DPH6: variants seen among roughly 807,000 people sequenced by gnomAD.
DPH6 encodes the protein diphthine--ammonia ligase.
Under a neutral mutation model 38.2 loss-of-function variants are expected in DPH6, and 33 were observed. The ratio of observed to expected loss-of-function variants is 0.86; its 90% CI spans 0.65 to 1.15. DPH6 has a LOEUF of 1.15. Ranked by LOEUF, DPH6 falls within the 50% of genes most tolerant of loss-of-function variation. The pLI is 0.00. For missense variants in DPH6, 325 were observed against 320.0 expected (o/e 1.02, Z -0.12); for synonymous variants, 108 against 103.0 (o/e 1.05, Z -0.30).
intron 6 of DPH6, among the ~76,000 whole-genome samples, chr15:35,403,251 T>C (rs533121119): frequency 2.0e-5 from 3 of 152,224 alleles, no homozygotes; most frequent in Admixed American, 6.5e-5. Context: ...TGATTATATT[T>C]TGAATTTTCA....
intron 6 of DPH6, among the ~76,000 whole-genome samples, chr15:35,404,987 T>G (rs2053272169): frequency 6.6e-6 from 1 of 152,140 alleles, no homozygotes; most frequent in South Asian, 2.1e-4. Context: ...AGATTGTTTT[T>G]CCCCAATGTA....
In DPH6 at chr15:35,283,920, T is replaced by C. The variant is rs150160893; in HGVS notation, n.201-63338A>G. On this transcript the variant is annotated intron_variant and non_coding_transcript_variant, in intron 3 of 3. Transcript: ENST00000560386. ...GGTTCTCCAAAAATTACACTAGTGA[T>C]TCTTCTGGGTCTCTTTATCTTTATC... Among the ~76,000 whole-genome samples the C allele has an allele frequency of 1.6e-4, 25 of 152,350 alleles. No individual in the cohort carries two copies. In the East Asian group the frequency reaches 4.8e-3, roughly 29 times the overall value.
intron 3 of DPH6, among the ~76,000 whole-genome samples, chr15:35,302,227 T>A (rs1316334919): frequency 6.6e-6 from 1 of 152,230 alleles, no homozygotes; most frequent in Non-Finnish European, 1.5e-5. Context: ...ATTTCAGTTA[T>A]CATTTTCAAA....
At chr15:35,169,838 A>T in the DPH6 span, 1 of 152,220 alleles carries the variant, frequency 6.6e-6, no homozygotes, top group Non-Finnish European at 1.5e-5. Context: ...CTTTAAACAA[A>T]TGAAGTATAT....
chr15:35,280,450 A>G (rs1356865184), intron 3 of DPH6, among the ~76,000 whole-genome samples: 4 of 152,190 alleles, frequency 2.6e-5, no homozygotes, highest in Non-Finnish European at 5.9e-5. Flanking sequence ...TTAAGCTAGA[A>G]TTTATAAAAT....
At position 35,543,258 on chromosome 15, in the gene DPH6, TAATA is replaced by T. The variant is rs1235195918; in HGVS notation, c.24-755_24-752del. On this transcript the variant is annotated intron_variant, in intron 1 of 8. Transcript: ENST00000256538. ...CATACATATAGTACACACATACACA[TAATA>T]TATATATATATATATATATATATAT... 7.3e-3 allele frequency among the ~76,000 whole-genome samples: 675 copies of T among 92,580 alleles called. 17 individuals are homozygous for T. The highest frequency in any genetic ancestry group is 0.013 in the African/African-American group (285 of 22,324). The allele number at this position is 92,580 out of a possible 152,430, so 60.7% of individuals were successfully genotyped here.
intron 3 of DPH6, among the ~76,000 whole-genome samples, chr15:35,476,050 G>C (rs147782958): frequency 3.3e-5 from 5 of 151,780 alleles, no homozygotes; most frequent in Non-Finnish European, 7.4e-5. Context: ...ATTTTGGAAA[G>C]AGAAGGCTAA....
chr15:35,287,793 G>A (rs544975394), intron 3 of DPH6, among the ~76,000 whole-genome samples: 10 of 151,978 alleles, frequency 6.6e-5, no homozygotes, highest in South Asian at 2.1e-4. Context: ...CTGAACTGCC[G>A]GCATTAATCT....
At chr15:35,393,315 C>T (rs1041430867) in intron 6 of DPH6, among the ~76,000 whole-genome samples, 7 of 152,078 alleles carry the variant, frequency 4.6e-5, no homozygotes, top group African/African-American at 7.2e-5. Context: ...GTATCTCTTC[C>T]TCTTCCATCA....
At chr15:35,484,063 T>C (rs948622166) in intron 3 of DPH6, among the ~76,000 whole-genome samples, 2 of 152,158 alleles carry the variant, frequency 1.3e-5, no homozygotes, top group Non-Finnish European at 2.9e-5. Context: ...GGCAATGTGA[T>C]GGTAATTGTG....
intron 6 of DPH6, among the ~76,000 whole-genome samples, chr15:35,393,475 T>C (rs1345174507): frequency 6.6e-6 from 1 of 152,288 alleles, no homozygotes; most frequent in Non-Finnish European, 1.5e-5. Context: ...GTTTTTTTGT[T>C]TGTTTGTTTT....
At chr15:35,408,079 G>GGTAGTA (rs776178201) in intron 6 of DPH6, among the ~76,000 whole-genome samples, 16 of 152,064 alleles carry the variant, frequency 1.1e-4, no homozygotes, top group Non-Finnish European at 1.9e-4. Flanking sequence ...ATGGTATGGT[G>GGTAGTA]GTAGTAGTAG....
intron 3 of DPH6, among the ~76,000 whole-genome samples, chr15:35,333,087 G>A (rs1316733979): frequency 7.4e-6 from 1 of 135,986 alleles, no homozygotes; most frequent in Non-Finnish European, 1.6e-5. Context: ...TGGAGAATCA[G>A]GAAGCTAAAA....
Position 35,546,162 on chromosome 15 carries a change from G to T in DPH6, c.-21C>A, listed in dbSNP as rs2055351646. Reference sequence around the variant, plus strand: ...CTCATGCTGGGCGCAGTGCGCGTGCGTGCGGCGAGCGCGGGCGGGAGCCAG... The same window carrying T: ...CTCATGCTGGGCGCAGTGCGCGTGCTTGCGGCGAGCGCGGGCGGGAGCCAG... On this transcript the variant is annotated 5_prime_UTR_variant, in exon 1 of 9. Coordinates refer to ENST00000256538, the MANE Select transcript of DPH6 (RefSeq NM_080650.4). 1 of 1,360,804 alleles carries T rather than the reference G, an allele frequency of 7.3e-7. No homozygotes were observed. Among genetic ancestry groups the T allele is most frequent in the South Asian group, 1.9e-5 (1 of 51,388 alleles). 84.3% of individuals were successfully genotyped at this position (1,360,804 alleles called of 1,614,324 possible). A position where few individuals can be genotyped will look rare whatever the true frequency, so the allele number is the denominator to read the frequency against.
At chr15:35,184,849 G>C in the DPH6 span, among the ~76,000 whole-genome samples, 7 of 152,126 alleles carry the variant, frequency 4.6e-5, no homozygotes, top group Non-Finnish European at 8.8e-5. Context: ...ATTTTGTAGG[G>C]TCAGCATTTT....
At chr15:35,277,885 G>A (rs1666849869) in intron 3 of DPH6, among the ~76,000 whole-genome samples, 1 of 152,170 alleles carries the variant, frequency 6.6e-6, no homozygotes, top group Admixed American at 6.5e-5. Flanking sequence ...TGGCCTGGCT[G>A]CTTCTAAGAG....
the DPH6 span, among the ~76,000 whole-genome samples, chr15:35,157,508 AT>A: frequency 6.6e-6 from 1 of 152,150 alleles, no homozygotes; most frequent in South Asian, 2.1e-4. Flanking sequence ...CCTATAATAA[AT>A]AAGCAGACAA....
chr15:35,278,075 C>G (rs190021839), intron 3 of DPH6, among the ~76,000 whole-genome samples: 1 of 152,214 alleles, frequency 6.6e-6, no homozygotes, highest in African/African-American at 2.4e-5. Flanking sequence ...GAACCAAATG[C>G]TAATATCCGA....
intron 3 of DPH6, among the ~76,000 whole-genome samples, chr15:35,535,833 C>T (rs889982496): frequency 6.6e-6 from 1 of 152,096 alleles, no homozygotes; most frequent in Non-Finnish European, 1.5e-5. Context: ...ATAATTTCTA[C>T]AAAATAGTTA....
Sources: allele counts gnomAD v4.1 joint callset (sites outside exome capture counted in the v4.1 genomes callset), GRCh38; gene constraint gnomAD v4.1.1; transcripts MANE v1.5; gene names NCBI Gene and HGNC (gene_info 2026-07-23, HGNC 2026-07-21).